Variants in NAALADL2 observed in about 807,000 individuals in gnomAD.
NAALADL2 encodes the protein N-acetylated alpha-linked acidic dipeptidase like 2.
Under a neutral mutation model 87.2 loss-of-function variants are expected in NAALADL2, and 76 were observed. The observed-to-expected ratio is 0.87, with a 90% CI of 0.72 to 1.05. The LOEUF (loss-of-function observed/expected upper bound fraction) is 1.05. Among genes scored for constraint, NAALADL2 ranks in the 50% least tolerant of loss-of-function variants. NAALADL2 has a pLI of 0.00. For synonymous variants in NAALADL2, 354 were observed against 331.0 expected, an observed-to-expected ratio of 1.07 and a Z score of -0.75; for missense variants, 1,089 against 945.8, an observed-to-expected ratio of 1.15 and a Z score of -1.99.
At chr3:175,110,030 C>T (rs575034161) in intron 2 of NAALADL2, among the ~76,000 whole-genome samples, 49 of 151,950 alleles carry the variant, frequency 3.2e-4, no homozygotes, top group African/African-American at 1.2e-3. Context: ...ATTTAAAGTT[C>T]TACTTTTCTT....
chr3:174,705,600 C>A (rs535016096), intron 2 of NAALADL2, among the ~76,000 whole-genome samples: 86 of 151,594 alleles, frequency 5.7e-4, no homozygotes, highest in Non-Finnish European at 7.1e-4. Flanking sequence ...CTGGCTAACA[C>A]GGTGAAACCC....
intron 13 of NAALADL2, among the ~76,000 whole-genome samples, chr3:175,766,533 T>C (rs1048168577): frequency 2.6e-5 from 4 of 152,220 alleles, no homozygotes; most frequent in Non-Finnish European, 5.9e-5. Flanking sequence ...TATTTTTAAA[T>C]GCATTTCAGG....
At chr3:174,735,609 G>T (rs1372193798) in intron 2 of NAALADL2, among the ~76,000 whole-genome samples, 1 of 152,036 alleles carries the variant, frequency 6.6e-6, no homozygotes, top group Non-Finnish European at 1.5e-5. Context: ...ACCCAGGTTG[G>T]TGTGCAGTGG....
At chr3:175,685,449 G>GGTGTGTGTGTGTGT (rs59449046) in intron 11 of NAALADL2, among the ~76,000 whole-genome samples, 23 of 144,692 alleles carry the variant, frequency 1.6e-4, no homozygotes, top group African/African-American at 2.8e-4. Context: ...ACCAACAGGA[G>GGTGTGTGTGTGTGT]GTGTGTGTGT....
intron 2 of NAALADL2, among the ~76,000 whole-genome samples, chr3:174,634,317 T>C (rs927610714): frequency 1.2e-4 from 19 of 152,268 alleles, no homozygotes; most frequent in African/African-American, 4.3e-4. Context: ...CCTCCACAAA[T>C]CTTTGTGTGT....
intron 2 of NAALADL2, among the ~76,000 whole-genome samples, chr3:174,709,477 A>G (rs916887422): frequency 6.6e-6 from 1 of 152,146 alleles, no homozygotes; most frequent in South Asian, 2.1e-4. Flanking sequence ...ACACTGAAAA[A>G]CAACTCCAAG....
At chr3:175,389,447 A>G (rs1768816729) in intron 5 of NAALADL2, among the ~76,000 whole-genome samples, 1 of 152,164 alleles carries the variant, frequency 6.6e-6, no homozygotes, top group African/African-American at 2.4e-5. Context: ...TATCTTATCA[A>G]TATAAGCACA....
intron 4 of NAALADL2, among the ~76,000 whole-genome samples, chr3:175,309,681 C>T (rs1299126450): frequency 6.6e-6 from 1 of 151,742 alleles, no homozygotes; most frequent in Non-Finnish European, 1.5e-5. Flanking sequence ...CCTAAATTCT[C>T]AATCTGGTTT....
intron 3 of NAALADL2, among the ~76,000 whole-genome samples, chr3:174,832,612 C>T (rs1455424320): frequency 1.3e-5 from 2 of 152,074 alleles, no homozygotes; most frequent in East Asian, 1.9e-4. Context: ...CAGGTGGCTG[C>T]CACCACATCC....
intron 2 of NAALADL2, among the ~76,000 whole-genome samples, chr3:174,664,272 G>A (rs1394736095): frequency 6.6e-6 from 1 of 152,156 alleles, no homozygotes; most frequent in Non-Finnish European, 1.5e-5. Flanking sequence ...TAATTCTAAA[G>A]CATTTTAATA....
intron 2 of NAALADL2, among the ~76,000 whole-genome samples, chr3:175,104,961 T>TCGG (rs113873476): frequency 0.062 from 9,387 of 152,146 alleles, 860 homozygotes; most frequent in African/African-American, 0.2. Context: ...TTAACTGGAT[T>TCGG]CAACTCACAG....
chr3:175,738,213 A>C (rs559706658), intron 12 of NAALADL2, among the ~76,000 whole-genome samples: 21 of 152,238 alleles, frequency 1.4e-4, no homozygotes, highest in African/African-American at 4.8e-4. Context: ...CATTCTAAAA[A>C]GCCAGATATC....
At chr3:174,631,481 T>C (rs1722106538) in intron 2 of NAALADL2, among the ~76,000 whole-genome samples, 1 of 152,192 alleles carries the variant, frequency 6.6e-6, no homozygotes, top group Non-Finnish European at 1.5e-5. Flanking sequence ...TCCCATCAAG[T>C]TCCTGAAATG....
intron 3 of NAALADL2, among the ~76,000 whole-genome samples, chr3:174,819,330 G>A (rs1721171308): frequency 6.6e-6 from 1 of 151,520 alleles, no homozygotes; most frequent in Non-Finnish European, 1.5e-5. Context: ...CTCCCAAAGT[G>A]CTGGGATTAC....
At chr3:175,579,711 G>A (rs888786926) in intron 10 of NAALADL2, among the ~76,000 whole-genome samples, 3 of 152,238 alleles carry the variant, frequency 2.0e-5, no homozygotes, top group Non-Finnish European at 4.4e-5. Flanking sequence ...AATACAATGC[G>A]GAGAATGTCA....
intron 5 of NAALADL2, among the ~76,000 whole-genome samples, chr3:175,416,321 CAG>C (rs1224063109): frequency 1.1e-4 from 16 of 152,166 alleles, no homozygotes; most frequent in Admixed American, 2.0e-4. Context: ...TAAAATAGTA[CAG>C]AGTTATTTTT....
At chr3:174,776,251 A>G (rs572979985) in intron 3 of NAALADL2, among the ~76,000 whole-genome samples, 9 of 152,254 alleles carry the variant, frequency 5.9e-5, no homozygotes, top group South Asian at 2.1e-4. Context: ...GTTCTGTAGG[A>G]TTACAAAATG....
intron 13 of NAALADL2, among the ~76,000 whole-genome samples, chr3:175,769,760 G>T (rs1749233184): frequency 6.6e-6 from 1 of 151,964 alleles, no homozygotes; most frequent in Non-Finnish European, 1.5e-5. Flanking sequence ...GTCTCTGTGT[G>T]TGTCTGTGTG....
chr3:174,609,355 G>A (rs867041605), intron 2 of NAALADL2, among the ~76,000 whole-genome samples: 2 of 152,030 alleles, frequency 1.3e-5, no homozygotes, highest in Non-Finnish European at 2.9e-5. Context: ...ATCCAATTAG[G>A]AAAAGAGGAA....
Sources: gnomAD v4.1 joint callset for allele counts (sites outside exome capture counted in the v4.1 genomes callset) on GRCh38, gnomAD v4.1.1 for gene constraint, MANE v1.5 for transcripts, NCBI Gene and HGNC (gene_info 2026-07-23, HGNC 2026-07-21) for gene names.